The following PFKFB3 variants were observed in gnomAD, a reference collection of about 807,000 sequenced individuals.
PFKFB3 encodes the protein 6-phosphofructo-2-kinase/fructose-2,6-bisphosphatase 3.
PFKFB3 carries 33 observed loss-of-function variants against 68.0 expected under a neutral mutation model. That is an observed-to-expected ratio of 0.49 (90% confidence interval 0.37 to 0.65). The LOEUF is 0.65. PFKFB3 is among the 30% of genes least tolerant of loss of function. The pLI is 0.00. For synonymous variants in PFKFB3, 315 were observed against 288.2 expected (o/e 1.09, Z -0.94); for missense variants, 586 against 712.2 (o/e 0.82, Z 2.02).
intron 14 of PFKFB3, chr10:6,231,405 A>T (rs1418202416): frequency 3.8e-6 from 6 of 1,586,230 alleles, no homozygotes; most frequent in Non-Finnish European, 5.1e-6. Context: ...TGCGGGGCTC[A>T]TCTGTCTCCA....
chr10:6,169,406 G>T (rs1842238948), intron 1 of PFKFB3, among the ~76,000 whole-genome samples: 2 of 152,142 alleles, frequency 1.3e-5, no homozygotes, highest in African/African-American at 2.4e-5. Context: ...TGAGCAAGGG[G>T]CACGAATGCT....
chr10:6,254,413 A>T, exon 15 of PFKFB3: 1 of 398,460 alleles, frequency 2.5e-6, no homozygotes, highest in Non-Finnish European at 4.4e-6. Flanking sequence ...GCTGCTGAGG[A>T]CTCTGAGAAG....
At chr10:6,276,447 C>T in the PFKFB3 span, among the ~76,000 whole-genome samples, 2 of 151,586 alleles carry the variant, frequency 1.3e-5, no homozygotes, top group African/African-American at 4.8e-5. Context: ...AGAGAAATCT[C>T]TGTATGGGAG....
At chr10:6,291,918 T>G in the PFKFB3 span, among the ~76,000 whole-genome samples, 1 of 151,368 alleles carries the variant, frequency 6.6e-6, no homozygotes, top group Non-Finnish European at 1.5e-5. Flanking sequence ...ATACACTGTT[T>G]AATGCTTACG....
At chr10:6,223,625 T>C (rs1845118633) in intron 11 of PFKFB3, among the ~76,000 whole-genome samples, 1 of 152,068 alleles carries the variant, frequency 6.6e-6, no homozygotes, top group Non-Finnish European at 1.5e-5. Flanking sequence ...CCCTCATGTC[T>C]CATTTCTTTT....
At chr10:6,156,143 G>A (rs959394788) in intron 1 of PFKFB3, among the ~76,000 whole-genome samples, 7 of 151,746 alleles carry the variant, frequency 4.6e-5, no homozygotes, top group Admixed American at 2.6e-4. Context: ...GTGTGTGTGT[G>A]TGTGTGTGTG....
chr10:6,181,312 G>T (rs758586913), intron 1 of PFKFB3, among the ~76,000 whole-genome samples: 1 of 149,376 alleles, frequency 6.7e-6, no homozygotes, highest in Non-Finnish European at 1.5e-5. Flanking sequence ...GCCTCTGCAC[G>T]CAGCCCACGC....
At position 6,154,585 on chromosome 10, in the gene PFKFB3, C is replaced by T. The variant is rs1249485964; in HGVS notation, c.16+9572C>T. ...GTGACACCATAAAACGTCTCCGCCA[C>T]GGGTGGCTACTATCCTGAGAGCAGA... On this transcript the variant is annotated intron_variant, in intron 1 of 14. Transcript: ENST00000379789. This position sits in a 1 kb window ranked among gnomAD's most constrained non-coding sequence, Gnocchi z 4.6. 2.0e-5 allele frequency among the ~76,000 whole-genome samples: 3 copies of T among 152,144 alleles called. No individual in the cohort carries two copies. Among genetic ancestry groups the T allele is most frequent in the Non-Finnish European group, 2.9e-5 (2 of 67,998 alleles).
chr10:6,224,293 G>C (rs1253672783), intron 13 of PFKFB3, 80 bp downstream of exon 13: 16 of 1,433,290 alleles, frequency 1.1e-5, no homozygotes, highest in African/African-American at 1.4e-5. Context: ...GGAGGCCCCG[G>C]GGCCGCTTGC....
intron 1 of PFKFB3, among the ~76,000 whole-genome samples, chr10:6,176,699 T>A (rs1456331515): frequency 1.3e-5 from 2 of 152,208 alleles, no homozygotes; most frequent in African/African-American, 4.8e-5. Flanking sequence ...ATGTTATATT[T>A]CCATAATATG....
chr10:6,309,483 A>C, the PFKFB3 span, among the ~76,000 whole-genome samples: 1 of 151,960 alleles, frequency 6.6e-6, no homozygotes. Context: ...TTAGCCAGGC[A>C]TGGTGGTGCA....
chr10:6,253,821 C>G (rs1846434928), intron 14 of PFKFB3, among the ~76,000 whole-genome samples: 1 of 152,070 alleles, frequency 6.6e-6, no homozygotes, highest in African/African-American at 2.4e-5. Flanking sequence ...GTGGGCAGAT[C>G]AGTTGAGGTC....
At chr10:6,267,122 G>A in the PFKFB3 span, among the ~76,000 whole-genome samples, 64 of 152,350 alleles carry the variant, frequency 4.2e-4, no homozygotes, top group African/African-American at 1.5e-3. Flanking sequence ...ATATTGTGCA[G>A]TGACAATTTT....
At chr10:6,292,269 T>A in the PFKFB3 span, among the ~76,000 whole-genome samples, 1 of 130,252 alleles carries the variant, frequency 7.7e-6, no homozygotes. Flanking sequence ...CAGTGTACTT[T>A]TTTTTTTTCT....
chr10:6,219,789 A>T (rs1588509979), intron 7 of PFKFB3, 96 bp downstream of exon 7: 1 of 1,043,184 alleles, frequency 9.6e-7, no homozygotes, highest in Non-Finnish European at 1.3e-6. Context: ...GGATACCTTT[A>T]AAAAAATTTT....
intron 1 of PFKFB3, among the ~76,000 whole-genome samples, chr10:6,169,161 C>T (rs1180686567): frequency 1.3e-5 from 2 of 152,100 alleles, no homozygotes; most frequent in East Asian, 1.9e-4. Context: ...AGGATGGTCT[C>T]GAACTCTTGA....
In PFKFB3 at chr10:6,220,603, C is replaced by T; in HGVS notation, c.624-55C>T. The stretch of plus-strand genomic sequence containing the variant: ...CACATCTTCGGAGACGGGCCAGGTG[C>T]ATCCTGCTGTGGGTGGTGGCCTGAG... On this transcript the variant is annotated intron_variant, in intron 7 of 14. Coordinates refer to ENST00000379775, the MANE Select transcript of PFKFB3 (RefSeq NM_004566.4). The surrounding 1 kb of genome is among the most constrained non-coding windows in gnomAD (Gnocchi z 4.1). The T allele has an allele frequency of 1.3e-6, 2 of 1,510,946 alleles. No individual in the cohort carries two copies. Among genetic ancestry groups the T allele is most frequent in the East Asian group, 2.3e-5 (1 of 44,308 alleles). 93.6% of individuals were successfully genotyped at this position (1,510,946 alleles called of 1,614,324 possible).
chr10:6,279,458 T>G, the PFKFB3 span, among the ~76,000 whole-genome samples: 1 of 152,256 alleles, frequency 6.6e-6, no homozygotes, highest in Non-Finnish European at 1.5e-5. Context: ...TTATTTTTCC[T>G]GTTCATCATA....
chr10:6,228,785 C>T lies in PFKFB3; in HGVS notation c.1515+2420C>T, dbSNP rs767571120. ...CTCCGAGTGGAGACCCTTGGGGATCCGTTTGTCCTGGGTTGGAGCCTGCTC... is the reference window on the plus strand; with the variant it reads ...CTCCGAGTGGAGACCCTTGGGGATCTGTTTGTCCTGGGTTGGAGCCTGCTC... On this transcript the variant is annotated intron_variant, in intron 14 of 14. Transcript: ENST00000379775. This position sits in a 1 kb window ranked among gnomAD's most constrained non-coding sequence, Gnocchi z 4.5. 1.9e-4 allele frequency among the ~76,000 whole-genome samples: 29 copies of T among 152,198 alleles called. No homozygotes were observed. The highest frequency in any genetic ancestry group is 3.4e-4 in the Non-Finnish European group (23 of 68,036).
Sources: allele counts gnomAD v4.1 joint callset (sites outside exome capture counted in the v4.1 genomes callset), GRCh38; gene constraint gnomAD v4.1.1; non-coding constraint Gnocchi (gnomAD v3.1); transcripts MANE v1.5; gene names NCBI Gene and HGNC (gene_info 2026-07-23, HGNC 2026-07-21).